The following ZNF540 variants were observed in gnomAD, a reference collection of about 807,000 sequenced individuals.
ZNF540 encodes the protein CTD-3064H18.6.
In ZNF540, 3 loss-of-function variants were observed where a neutral mutation model predicts 11.8. The ratio of observed to expected loss-of-function variants is 0.25; its 90% CI spans 0.12 to 0.65. The LOEUF is 0.65. Among genes scored for constraint, ZNF540 ranks in the 30% least tolerant of loss-of-function variants. ZNF540 has a pLI of 0.83. For synonymous variants in ZNF540, 247 were observed against 259.0 expected (o/e 0.95, Z 0.45); for missense variants, 709 against 793.1 (o/e 0.89, Z 1.27).
At chr19:37,609,575 C>T (rs2147233506) in intron 4 of ZNF540, among the ~76,000 whole-genome samples, 1 of 151,104 alleles carries the variant, frequency 6.6e-6, no homozygotes, top group South Asian at 2.1e-4. Context: ...TGGCCGGGCG[C>T]AGTGGCTCAT....
At chr19:37,602,599 G>C (rs2147228041) in intron 4 of ZNF540, among the ~76,000 whole-genome samples, 1 of 152,288 alleles carries the variant, frequency 6.6e-6, no homozygotes, top group African/African-American at 2.4e-5. Flanking sequence ...GAGTTTCATA[G>C]AATGAAGGGA....
chr19:37,558,258 T>C (rs972602603), intron 1 of ZNF540, among the ~76,000 whole-genome samples: 1 of 152,222 alleles, frequency 6.6e-6, no homozygotes, highest in African/African-American at 2.4e-5. Context: ...AAACTCTTGG[T>C]TGTCAAAAAC....
At chr19:37,607,137 A>C (rs1196061434) in intron 4 of ZNF540, among the ~76,000 whole-genome samples, 1 of 152,024 alleles carries the variant, frequency 6.6e-6, no homozygotes, top group Non-Finnish European at 1.5e-5. Context: ...TTCTGGAGTA[A>C]CTTTCTATTA....
Position 37,612,328 on chromosome 19 carries a change from ACT to A in ZNF540, c.1049_1050del (p.Thr350ArgfsTer8). ...GQLTRHQKIH[T>X]GVKPYECKEC... ...ACTTACCCGTCATCAGAAAATTCATACTGGTGTAAAACCCTACGAATGTAAGG... is the reference window on the plus strand; with the variant it reads ...ACTTACCCGTCATCAGAAAATTCATAGGTGTAAAACCCTACGAATGTAAGG... On this transcript the variant is annotated frameshift_variant, in exon 5 of 5. Coordinates refer to ENST00000316433, the MANE Select transcript of ZNF540 (RefSeq NM_001172225.3). LOFTEE classifies it low-confidence loss of function (END_TRUNC). 3 of 1,614,110 alleles carry A rather than the reference ACT, an allele frequency of 1.9e-6. No individual in the cohort carries two copies. Among genetic ancestry groups the A allele is most frequent in the Non-Finnish European group, 2.5e-6 (3 of 1,180,010 alleles).
Position 37,569,415 on chromosome 19 carries a change from C to A in ZNF540, c.-73+17750C>A, listed in dbSNP as rs2042980941. Among the ~76,000 whole-genome samples the A allele has an allele frequency of 6.6e-6, 1 of 152,106 alleles. No individual in the cohort carries two copies. The highest frequency in any genetic ancestry group is 2.4e-5 in the African/African-American group (1 of 41,406). On this transcript the variant is annotated intron_variant, in intron 1 of 4. Transcript: ENST00000592533. The surrounding 1 kb of genome is among the most constrained non-coding windows in gnomAD (Gnocchi z 4.4). The stretch of plus-strand genomic sequence containing the variant: ...CCTGCAAAAATTGGAGGGATAAAAT[C>A]TAAACTCTTCTGCAGTATTTTTCAA...
chr19:37,598,246 G>T, intron 1 of ZNF540, 130 bp from the exon 2 acceptor site: 1 of 582,914 alleles, frequency 1.7e-6, no homozygotes, highest in Non-Finnish European at 3.1e-6. Flanking sequence ...GTGTCGGAGG[G>T]AGGTGAGGGA....
intron 1 of ZNF540, among the ~76,000 whole-genome samples, chr19:37,561,048 C>CAAAAAAAAAAAAAAAAAAAAAAAAAAAA (rs199892724): frequency 1.4e-5 from 1 of 73,784 alleles, no homozygotes; most frequent in African/African-American, 4.6e-5. Context: ...CCTGTCTCTA[C>CAAAAAAAAAAAAAAAAAAAAAAAAAAAA]AAAAAAAAAA....
At chr19:37,578,810 T>TGCAGCAACCGCACCTCC (rs2043340706) in intron 1 of ZNF540, among the ~76,000 whole-genome samples, 1 of 152,056 alleles carries the variant, frequency 6.6e-6, no homozygotes, top group African/African-American at 2.4e-5. Context: ...ACCGCACCTC[T>TGCAGCAACCGCACCTCC]GCAGCAACCG....
At position 37,571,024 on chromosome 19, in the gene ZNF540, A is replaced by C. The variant is rs113212964; in HGVS notation, c.-73+19359A>C. The stretch of plus-strand genomic sequence containing the variant: ...TATTTCTAATATCACTATGAGGAAT[A>C]ATTATAACAAATTCTATTTGTTCAT... On this transcript the variant is annotated intron_variant, in intron 1 of 4. Coordinates refer to the ZNF540 transcript ENST00000592533. Among the ~76,000 whole-genome samples, 695 of 152,322 alleles carry C rather than the reference A, an allele frequency of 4.6e-3. 4 individuals are homozygous for C. Among genetic ancestry groups the C allele is most frequent in the African/African-American group, 0.016 (673 of 41,566 alleles).
chr19:37,613,002 G>A lies in ZNF540; in HGVS notation c.1722G>A (p.Thr574=), dbSNP rs150810196. The change falls in exon 5 of 5, where the codon ACG becomes ACA. Residue 574 remains threonine, a synonymous_variant. Transcript: ENST00000316433. The part of the protein sequence containing the change: ...GQFTEHQKIH[T]GVKPYKCKEC... The stretch of plus-strand genomic sequence containing the variant: ...TCACTGAACATCAGAAAATTCATAC[G>A]GGTGTAAAACCATACAAATGTAAAG... 15 of 1,613,782 alleles carry A rather than the reference G, an allele frequency of 9.3e-6. No homozygotes were observed. The highest frequency in any genetic ancestry group is 4.0e-5 in the African/African-American group (3 of 74,810).
At chr19:37,573,233 A>G (rs1201982437) in intron 1 of ZNF540, among the ~76,000 whole-genome samples, 1 of 152,168 alleles carries the variant, frequency 6.6e-6, no homozygotes, top group Non-Finnish European at 1.5e-5. Flanking sequence ...ACACAAACAT[A>G]GCAGCCTCCA....
intron 4 of ZNF540, 139 bp from the exon 5 acceptor site, chr19:37,611,374 A>T: frequency 3.1e-6 from 2 of 653,308 alleles, no homozygotes; most frequent in South Asian, 5.1e-5. Context: ...CAAATTATAT[A>T]ACTTTATTGA....
chr19:37,561,217 A>G (rs774183294), intron 1 of ZNF540, among the ~76,000 whole-genome samples: 12 of 152,132 alleles, frequency 7.9e-5, no homozygotes, highest in Non-Finnish European at 1.5e-4. Context: ...CCTGGGTGAC[A>G]GAGAGCCCAC....
Position 37,612,952 on chromosome 19 carries a change from A to G in ZNF540, c.1672A>G (p.Lys558Glu). 6.2e-7 allele frequency: 1 copy of G among 1,614,192 alleles called. No homozygotes were observed. The highest frequency in any genetic ancestry group is 8.5e-7 in the Non-Finnish European group (1 of 1,180,014). ...ACCCTATGACTGTAAAGAATGTGGG[A>G]AGTCCTTTAGTCGGCGTGGGCAGTT... ...LKPYDCKECG[K>E]SFSRRGQFTE... is the part of the protein sequence containing the mutation. Residue 558 changes from lysine (K) to glutamate (E), a missense_variant, in exon 5 of 5, where the codon AAG becomes GAG. By Grantham distance (56) the Lys-to-Glu change is moderately conservative. Coordinates refer to ENST00000316433, the MANE Select transcript of ZNF540 (RefSeq NM_001172225.3).
At chr19:37,583,798 GAA>G in intron 1 of ZNF540, 1 of 578,892 alleles carries the variant, frequency 1.7e-6, no homozygotes, top group South Asian at 2.6e-5. Flanking sequence ...AAGTGACAGA[GAA>G]AGATGTGACA....
At chr19:37,593,439 C>T (rs1486905766), upstream of ZNF540, among the ~76,000 whole-genome samples, 1 of 152,222 alleles carries the variant, frequency 6.6e-6, no homozygotes. Flanking sequence ...CGCGGTGGCT[C>T]ACGCCTGTAA....
intron 1 of ZNF540, among the ~76,000 whole-genome samples, chr19:37,558,428 A>G (rs2042683872): frequency 6.6e-6 from 1 of 152,136 alleles, no homozygotes; most frequent in South Asian, 2.1e-4. Context: ...TGTAAATCTG[A>G]TAAGCCTCCT....
chr19:37,564,769 A>G, intron 1 of ZNF540: 1 of 1,613,842 alleles, frequency 6.2e-7, no homozygotes, highest in South Asian at 1.1e-5. Context: ...GTTTCTCTCC[A>G]GTATGAGTTC....
At chr19:37,553,957 G>T (rs1378697057) in intron 1 of ZNF540, among the ~76,000 whole-genome samples, 2 of 152,090 alleles carry the variant, frequency 1.3e-5, no homozygotes, top group Non-Finnish European at 2.9e-5. Flanking sequence ...ATCTGCATTT[G>T]TTGGTGATGA....
Sources: gnomAD v4.1 joint callset for allele counts (sites outside exome capture counted in the v4.1 genomes callset) on GRCh38, gnomAD v4.1.1 for gene constraint, Gnocchi (gnomAD v3.1) non-coding constraint, MANE v1.5 for transcripts, NCBI Gene and HGNC (gene_info 2026-07-23, HGNC 2026-07-21) for gene names.